MARCHF11: variants seen among roughly 807,000 people sequenced by gnomAD.
The protein encoded by MARCHF11 is membrane associated ring-CH-type finger 11.
A neutral mutation model predicts 37.3 loss-of-function variants in MARCHF11; 29 were observed. The observed-to-expected ratio is 0.78, with a 90% CI of 0.58 to 1.06. MARCHF11 has a LOEUF of 1.06. Among genes scored for constraint, MARCHF11 ranks in the 50% least tolerant of loss-of-function variants. The pLI, the probability that MARCHF11 is intolerant of heterozygous loss-of-function variation, is 0.00. For missense variants in MARCHF11, 482 were observed against 533.4 expected (o/e 0.90, Z 0.95); for synonymous variants, 233 against 228.0 (o/e 1.02, Z -0.20).
chr5:16,131,864 T>C (rs189535045), intron 2 of MARCHF11, among the ~76,000 whole-genome samples: 1 of 152,352 alleles, frequency 6.6e-6, no homozygotes, highest in African/African-American at 2.4e-5. Context: ...TGGTGTCAGA[T>C]ATTAAGTAGT....
chr5:16,103,682 T>A (rs1055779094), intron 2 of MARCHF11, among the ~76,000 whole-genome samples: 12 of 152,196 alleles, frequency 7.9e-5, no homozygotes, highest in African/African-American at 2.7e-4. Flanking sequence ...GGGGATGCTT[T>A]GACCAATAGC....
chr5:16,114,321 A>T (rs1737196425), intron 2 of MARCHF11, among the ~76,000 whole-genome samples: 1 of 152,210 alleles, frequency 6.6e-6, no homozygotes, highest in Non-Finnish European at 1.5e-5. Context: ...CTTACTTTTC[A>T]CAGAGCTAGT....
intron 2 of MARCHF11, among the ~76,000 whole-genome samples, chr5:16,108,141 CTG>C (rs1737075983): frequency 6.6e-6 from 1 of 152,210 alleles, no homozygotes; most frequent in African/African-American, 2.4e-5. Flanking sequence ...AAAGAGCACA[CTG>C]TAACATGCTT....
At chr5:16,163,208 G>A (rs944578779) in intron 2 of MARCHF11, among the ~76,000 whole-genome samples, 3 of 151,852 alleles carry the variant, frequency 2.0e-5, no homozygotes, top group African/African-American at 7.3e-5. Context: ...CGGTTTACTA[G>A]AAAAGAACAG....
intron 2 of MARCHF11, among the ~76,000 whole-genome samples, chr5:16,143,241 G>T (rs1242448870): frequency 6.6e-6 from 1 of 152,116 alleles, no homozygotes; most frequent in Non-Finnish European, 1.5e-5. Context: ...CTCGTATAGA[G>T]TCAGAGACCT....
intron 3 of MARCHF11, among the ~76,000 whole-genome samples, chr5:16,084,940 A>T (rs950284233): frequency 6.6e-6 from 1 of 152,126 alleles, no homozygotes; most frequent in South Asian, 2.1e-4. Flanking sequence ...CTCAAGAGAG[A>T]TATTTTTGGT....
In MARCHF11 at chr5:16,176,280, T is replaced by C. The variant is rs1053947877; in HGVS notation, c.693+1446A>G. 5.9e-5 allele frequency among the ~76,000 whole-genome samples: 9 copies of C among 152,300 alleles called. No homozygotes were observed. In the East Asian group the frequency reaches 1.5e-3, roughly 26 times the overall value. On this transcript the variant is annotated intron_variant, in intron 2 of 3. Transcript: ENST00000332432. The stretch of plus-strand genomic sequence containing the variant: ...TGACCATAGCTCTTCTCATGGAACT[T>C]TTCTCTAGAGCCCAAAACTCTCTCA...
At chr5:16,108,102 A>G (rs1737075118) in intron 2 of MARCHF11, among the ~76,000 whole-genome samples, 1 of 152,122 alleles carries the variant, frequency 6.6e-6, no homozygotes, top group South Asian at 2.1e-4. Flanking sequence ...CTGGTTAAAC[A>G]CTCAAGCCAT....
At chr5:16,119,684 T>C (rs1301863911) in intron 2 of MARCHF11, among the ~76,000 whole-genome samples, 1 of 152,204 alleles carries the variant, frequency 6.6e-6, no homozygotes, top group Admixed American at 6.5e-5. Flanking sequence ...ATGAACACTA[T>C]ATGTTTTGGG....
rs576192533 is a variant in MARCHF11 at position 16,154,358 on chromosome 5, T to G, written c.693+23368A>C. On this transcript the variant is annotated intron_variant, in intron 2 of 3. Coordinates refer to ENST00000332432, the MANE Select transcript of MARCHF11 (RefSeq NM_001102562.3). ...TTCTTTCCAAGCACACAGGCCACATTTACATAAATTATCCAGTTATTTGGC... is the reference window on the plus strand; with the variant it reads ...TTCTTTCCAAGCACACAGGCCACATGTACATAAATTATCCAGTTATTTGGC... 2.0e-5 allele frequency among the ~76,000 whole-genome samples: 3 copies of G among 152,092 alleles called. No individual in the cohort carries two copies. In the East Asian group the frequency reaches 5.8e-4, roughly 30 times the overall value.
chr5:16,090,760 AATTCATT>A, intron 3 of MARCHF11, 122 bp downstream of exon 3: 1 of 652,940 alleles, frequency 1.5e-6, no homozygotes, highest in Non-Finnish European at 2.3e-6. Context: ...ACCCGCAGCT[AATTCATT>A]AACAGGAGAA....
chr5:16,176,110 C>T (rs1327138045), intron 2 of MARCHF11, among the ~76,000 whole-genome samples: 2 of 145,164 alleles, frequency 1.4e-5, no homozygotes, highest in South Asian at 2.2e-4. Context: ...TTTTTTTTTG[C>T]CCCAGCTCTT....
intron 2 of MARCHF11, among the ~76,000 whole-genome samples, chr5:16,100,076 AC>A (rs1353055602): frequency 6.6e-6 from 1 of 152,008 alleles, no homozygotes; most frequent in Non-Finnish European, 1.5e-5. Context: ...GAAATTAAGC[AC>A]CCTGAGGGAT....
At chr5:16,140,463 T>C (rs987893540) in intron 2 of MARCHF11, among the ~76,000 whole-genome samples, 15 of 152,292 alleles carry the variant, frequency 9.8e-5, no homozygotes, top group South Asian at 2.1e-4. Context: ...TGCAATAAAT[T>C]GTCAAAGAAT....
At chr5:16,166,532 A>G (rs1044602529) in intron 2 of MARCHF11, among the ~76,000 whole-genome samples, 1 of 151,936 alleles carries the variant, frequency 6.6e-6, no homozygotes, top group Non-Finnish European at 1.5e-5. Context: ...AACCATTTCT[A>G]TCAACACAGA....
intron 2 of MARCHF11, among the ~76,000 whole-genome samples, chr5:16,136,616 G>A (rs1229891023): frequency 6.6e-6 from 1 of 152,188 alleles, no homozygotes; most frequent in African/African-American, 2.4e-5. Context: ...GACAAATGTA[G>A]AAATGGGGTA....
intron 2 of MARCHF11, among the ~76,000 whole-genome samples, chr5:16,177,363 C>G (rs1274781500): frequency 6.6e-6 from 1 of 152,140 alleles, no homozygotes; most frequent in Non-Finnish European, 1.5e-5. Context: ...AGCTTAAATG[C>G]TTAAGTTAAC....
chr5:16,083,961 T>A (rs1467905883), intron 3 of MARCHF11, among the ~76,000 whole-genome samples: 1 of 152,146 alleles, frequency 6.6e-6, no homozygotes, highest in Non-Finnish European at 1.5e-5. Flanking sequence ...GATCACAGAG[T>A]TTGATTATCC....
At chr5:16,102,876 C>T (rs371195526) in intron 2 of MARCHF11, among the ~76,000 whole-genome samples, 123 of 152,336 alleles carry the variant, frequency 8.1e-4, no homozygotes, top group Middle Eastern at 3.4e-3. Context: ...CATGCTCCCC[C>T]TCTTGCAAGC....
Sources: allele counts gnomAD v4.1 joint callset (sites outside exome capture counted in the v4.1 genomes callset), GRCh38; gene constraint gnomAD v4.1.1; transcripts MANE v1.5; gene names NCBI Gene and HGNC (gene_info 2026-07-23, HGNC 2026-07-21).